WIF1: variants seen among roughly 807,000 people sequenced by gnomAD.
WIF1 encodes the protein Wnt inhibitory factor 1.
A neutral mutation model predicts 53.5 loss-of-function variants in WIF1; 35 were observed. The ratio of observed to expected loss-of-function variants is 0.65; its 90% confidence interval spans 0.50 to 0.87. WIF1 has a LOEUF of 0.87. Ranked by LOEUF, WIF1 falls within the 40% of genes least tolerant of loss-of-function variation. The pLI is 0.00. For missense variants in WIF1, 467 were observed against 476.8 expected (o/e 0.98, Z 0.19); for synonymous variants, 171 against 170.4 (o/e 1.00, Z -0.03).
chr12:65,119,458 G>C (rs1160215526), intron 2 of WIF1, among the ~76,000 whole-genome samples: 1 of 152,054 alleles, frequency 6.6e-6, no homozygotes, highest in Non-Finnish European at 1.5e-5. Context: ...TACCACAACA[G>C]GTAATTAGAG....
intron 2 of WIF1, among the ~76,000 whole-genome samples, chr12:65,111,193 A>G (rs1883425707): frequency 6.6e-6 from 1 of 152,124 alleles, no homozygotes; most frequent in Non-Finnish European, 1.5e-5. Flanking sequence ...ATATTTCTCT[A>G]ACCTCCTCTT....
intron 3 of WIF1, among the ~76,000 whole-genome samples, chr12:65,075,078 C>T (rs775521362): frequency 1.4e-4 from 22 of 152,154 alleles, no homozygotes; most frequent in Non-Finnish European, 3.1e-4. Flanking sequence ...AACCCAAACA[C>T]GTCTAAGTCA....
intron 2 of WIF1, among the ~76,000 whole-genome samples, chr12:65,093,798 T>A (rs1883161326): frequency 6.6e-6 from 1 of 152,158 alleles, no homozygotes; most frequent in Non-Finnish European, 1.5e-5. Flanking sequence ...GTCTGGAACA[T>A]CGTTAACTCA....
At chr12:65,112,133 C>A (rs1883440668) in intron 2 of WIF1, among the ~76,000 whole-genome samples, 1 of 152,022 alleles carries the variant, frequency 6.6e-6, no homozygotes, top group African/African-American at 2.4e-5. Context: ...TAAATAAATC[C>A]ATTTCCAGTG....
chr12:65,104,551 A>T (rs560946128), intron 2 of WIF1, among the ~76,000 whole-genome samples: 1 of 152,220 alleles, frequency 6.6e-6, no homozygotes, highest in Admixed American at 6.5e-5. Flanking sequence ...TTTGTGATCC[A>T]GTTGCCACTT....
At chr12:65,081,879 AAG>A (rs1565754219) in intron 2 of WIF1, among the ~76,000 whole-genome samples, 1 of 152,086 alleles carries the variant, frequency 6.6e-6, no homozygotes, top group East Asian at 1.9e-4. Context: ...GAAAAGAAAA[AAG>A]AAAAATTTTA....
intron 2 of WIF1, among the ~76,000 whole-genome samples, chr12:65,083,137 T>C (rs144507445): frequency 1.3e-5 from 2 of 152,288 alleles, no homozygotes; most frequent in East Asian, 3.9e-4. Context: ...TGTTACAGCA[T>C]ACAAGTGAAT....
Position 65,121,241 on chromosome 12 carries a change from C to A in WIF1, c.-50G>T. The A allele has an allele frequency of 1.4e-6, 2 of 1,384,780 alleles. No homozygotes were observed. The highest frequency in any genetic ancestry group is 1.6e-5 in the South Asian group (1 of 61,598). The allele number at this position is 1,384,780 out of a possible 1,614,324, so 85.8% of individuals were successfully genotyped here. ...GGGAAAACTCCTCGTGCCGCACCTACGCAACCTGGCGCCGTCAGATACTCT... is the reference window on the plus strand; with the variant it reads ...GGGAAAACTCCTCGTGCCGCACCTAAGCAACCTGGCGCCGTCAGATACTCT... On this transcript the variant is annotated 5_prime_UTR_variant, in exon 1 of 10. Transcript: ENST00000286574.
intron 9 of WIF1, 116 bp downstream of exon 9, chr12:65,055,002 T>C: frequency 4.9e-6 from 5 of 1,021,166 alleles, no homozygotes; most frequent in Non-Finnish European, 7.1e-6. Context: ...ATAGGTTGAC[T>C]GTTAGCCTTT....
chr12:65,059,374 CAG>C (rs551650835), intron 7 of WIF1, among the ~76,000 whole-genome samples: 165 of 152,224 alleles, frequency 1.1e-3, no homozygotes, highest in Admixed American at 1.8e-3. Flanking sequence ...ATTTTTTTAA[CAG>C]AGAATATTTT....
Position 65,050,893 on chromosome 12 carries a change from A to G in WIF1, c.*456T>C, listed in dbSNP as rs886815041. On this transcript the variant is annotated 3_prime_UTR_variant, in exon 10 of 10. Coordinates refer to ENST00000286574, the MANE Select transcript of WIF1 (RefSeq NM_007191.5). ...TTGTATTGAGAGTTTAAAAATTAAGAGCAATTTTTAAAAATGTAACAAACA... is the reference window on the plus strand; with the variant it reads ...TTGTATTGAGAGTTTAAAAATTAAGGGCAATTTTTAAAAATGTAACAAACA... 1 of 218,558 alleles carries G rather than the reference A, an allele frequency of 4.6e-6. No individual in the cohort carries two copies. Among genetic ancestry groups the G allele is most frequent in the African/African-American group, 2.2e-5 (1 of 44,544 alleles). 13.5% of individuals were successfully genotyped at this position (218,558 alleles called of 1,614,324 possible).
chr12:65,072,241 C>T (rs1267572597), intron 3 of WIF1, among the ~76,000 whole-genome samples: 1 of 152,280 alleles, frequency 6.6e-6, no homozygotes, highest in African/African-American at 2.4e-5. Context: ...CCTTACTGCA[C>T]ACCCAGGTGC....
intron 8 of WIF1, 139 bp from the exon 9 acceptor site, chr12:65,055,352 A>T: frequency 1.1e-6 from 1 of 874,410 alleles, no homozygotes; most frequent in Non-Finnish European, 1.7e-6. Flanking sequence ...GTCAGTCTCC[A>T]GTCATAAGTT....
Position 65,121,215 on chromosome 12 carries a change from C to T in WIF1, c.-24G>A. ...ATGCTGCTCAGGACCTCCTCGCTGC[C>T]GGGAAAACTCCTCGTGCCGCACCTA... On this transcript the variant is annotated 5_prime_UTR_variant, in exon 1 of 10. Transcript: ENST00000286574. 6.9e-7 allele frequency: 1 copy of T among 1,447,688 alleles called. No individual in the cohort carries two copies. Among genetic ancestry groups the T allele is most frequent in the South Asian group, 1.4e-5 (1 of 70,380 alleles). 89.7% of individuals were successfully genotyped at this position (1,447,688 alleles called of 1,614,324 possible).
chr12:65,088,077 G>A (rs1883066765), intron 2 of WIF1, among the ~76,000 whole-genome samples: 1 of 152,044 alleles, frequency 6.6e-6, no homozygotes, highest in Non-Finnish European at 1.5e-5. Context: ...AGAAACTAAG[G>A]CAGAACTGAA....
intron 2 of WIF1, among the ~76,000 whole-genome samples, chr12:65,108,087 C>T (rs993240631): frequency 1.3e-5 from 2 of 152,204 alleles, no homozygotes; most frequent in African/African-American, 4.8e-5. Context: ...GTTAATGCTC[C>T]TTTCTCAGTA....
At chr12:65,094,518 A>C (rs567127772) in intron 2 of WIF1, among the ~76,000 whole-genome samples, 34 of 152,260 alleles carry the variant, frequency 2.2e-4, no homozygotes, top group African/African-American at 8.2e-4. Context: ...GTGGGTGTTT[A>C]GTGTAGCTTG....
chr12:65,076,110 T>A (rs1212048466), intron 3 of WIF1, among the ~76,000 whole-genome samples: 1 of 152,186 alleles, frequency 6.6e-6, no homozygotes. Context: ...CAATCATAGC[T>A]CACTGCAGCC....
intron 3 of WIF1, among the ~76,000 whole-genome samples, chr12:65,074,116 T>C (rs1283504667): frequency 6.6e-6 from 1 of 152,190 alleles, no homozygotes; most frequent in Non-Finnish European, 1.5e-5. Flanking sequence ...TCACATCATA[T>C]GTTCAAAATC....
Sources: gnomAD v4.1 joint callset for allele counts (sites outside exome capture counted in the v4.1 genomes callset) on GRCh38, gnomAD v4.1.1 for gene constraint, MANE v1.5 for transcripts, NCBI Gene and HGNC (gene_info 2026-07-23, HGNC 2026-07-21) for gene names.